APOO: variants seen among roughly 807,000 people sequenced by gnomAD.
The protein encoded by APOO is MICOS complex subunit MIC26.
APOO carries 11 observed loss-of-function variants against 23.1 expected under a neutral mutation model. The observed-to-expected ratio is 0.48, with a 90% CI of 0.30 to 0.79. APOO has a LOEUF of 0.79. Among genes scored for constraint, APOO ranks in the 30% least tolerant of loss-of-function variants. The pLI, the probability that APOO is intolerant of heterozygous loss-of-function variation, is 0.07. For synonymous variants in APOO, 59 were observed against 54.8 expected (o/e 1.08, Z -0.34); for missense variants, 160 against 142.7 (o/e 1.12, Z -0.62).
At chrX:23,888,573 C>A (rs1051466808) in intron 1 of APOO, among the ~76,000 whole-genome samples, 12 of 110,964 alleles carry the variant, frequency 1.1e-4, no homozygotes, top group Non-Finnish European at 1.9e-5. Context: ...AGATTCAGGG[C>A]CCAGCACAGT....
intron 3 of APOO, among the ~76,000 whole-genome samples, chrX:23,875,751 C>CTTTT (rs2147012350): frequency 9.1e-6 from 1 of 110,342 alleles, no homozygotes; most frequent in African/African-American, 3.3e-5. Context: ...TAATTCAGTT[C>CTTTT]AAGTCAGAAC....
Position 23,880,906 on chromosome X carries a change from A to G in APOO, c.56T>C (p.Phe19Ser), listed in dbSNP as rs778448830. The G allele has an allele frequency of 8.0e-5, 95 of 1,186,572 alleles. 1 individual carries two copies. In the South Asian group the frequency reaches 1.6e-3, roughly 21 times the overall value. Residue 19 changes from phenylalanine (F) to serine (S), a missense_variant, in exon 2 of 9, where the codon TTC (phenylalanine) becomes TCC (serine). Phe to Ser is a radical substitution (Grantham distance 155). Transcript: ENST00000379226. ...VGPASLSLLT[F>S]KVYAAPKKDS... Reference sequence around the variant, plus strand: ...CTTTTTTGGTGCTGCATAGACTTTGAAGGTGAGCAAGCTCAGGCTGGCTGG... The same window carrying G: ...CTTTTTTGGTGCTGCATAGACTTTGGAGGTGAGCAAGCTCAGGCTGGCTGG...
In APOO at chrX:23,833,386, A is replaced by G. The variant is rs1012690892; in HGVS notation, c.*256T>C. On this transcript the variant is annotated 3_prime_UTR_variant, in exon 9 of 9. Coordinates refer to ENST00000379226, the MANE Select transcript of APOO (RefSeq NM_024122.5). ...TTTAACTTGGGTTTTAATTAGGTAC[A>G]TAAATAGCAACATGAGAATGAGGAG... 9 of 111,329 alleles carry G rather than the reference A, an allele frequency of 8.1e-5. No homozygotes were observed. Among genetic ancestry groups the G allele is most frequent in the African/African-American group, 2.9e-4 (9 of 30,539 alleles). 9.2% of individuals were successfully genotyped at this position (111,329 alleles called of 1,213,427 possible).
chrX:23,862,107 A>C (rs1431668782), intron 5 of APOO, among the ~76,000 whole-genome samples: 1 of 111,219 alleles, frequency 9.0e-6, no homozygotes, highest in Non-Finnish European at 1.9e-5. Flanking sequence ...TTAGCATTTC[A>C]GCTGCCTCAC....
At chrX:23,841,243 C>A (rs1389100068) in intron 7 of APOO, among the ~76,000 whole-genome samples, 1 of 110,455 alleles carries the variant, frequency 9.1e-6, no homozygotes, top group Non-Finnish European at 1.9e-5. Context: ...CCTGTCATTT[C>A]AGAGCATGGT....
intron 7 of APOO, among the ~76,000 whole-genome samples, chrX:23,843,729 G>A (rs994535483): frequency 1.2e-4 from 13 of 107,834 alleles, no homozygotes; most frequent in Non-Finnish European, 2.1e-4. Flanking sequence ...GATTACAGGC[G>A]CCCACTACTA....
intron 7 of APOO, among the ~76,000 whole-genome samples, chrX:23,843,570 TG>T (rs1924093684): frequency 9.7e-6 from 1 of 102,815 alleles, no homozygotes; most frequent in South Asian, 4.6e-4. Flanking sequence ...TGAACACAAA[TG>T]ACAATTTCTT....
chrX:23,877,690 C>T (rs1264827439), intron 3 of APOO, among the ~76,000 whole-genome samples: 12 of 108,994 alleles, frequency 1.1e-4, no homozygotes, highest in Non-Finnish European at 1.9e-5. Flanking sequence ...GGGAGAACTG[C>T]TTGAACCCGG....
chrX:23,878,209 G>A (rs745676447), intron 3 of APOO, among the ~76,000 whole-genome samples: 3 of 112,092 alleles, frequency 2.7e-5, no homozygotes, highest in South Asian at 3.7e-4. Context: ...AAGTGTTTAC[G>A]TTGCATCTTT....
chrX:23,856,444 T>A, intron 6 of APOO, 62 bp from the exon 7 acceptor site: 1 of 892,281 alleles, frequency 1.1e-6, no homozygotes. Context: ...TTGGGAATAA[T>A]AATGGAATAT....
At chrX:23,836,625 CTTTTT>C in intron 8 of APOO, 9 of 591,548 alleles carry the variant, frequency 1.5e-5, no homozygotes, top group Non-Finnish European at 1.9e-5. Flanking sequence ...AGCCTAATTT[CTTTTT>C]TTTTTTTTTT....
intron 5 of APOO, among the ~76,000 whole-genome samples, chrX:23,860,517 C>CTT (rs1361339261): frequency 1.4e-4 from 15 of 108,447 alleles, no homozygotes; most frequent in Non-Finnish European, 1.9e-5. Context: ...ATCTCCATTT[C>CTT]TTTTTTTTCT....
At chrX:23,871,919 T>A (rs755905944) in intron 4 of APOO, among the ~76,000 whole-genome samples, 1 of 112,234 alleles carries the variant, frequency 8.9e-6, no homozygotes, top group East Asian at 2.8e-4. Flanking sequence ...TTGGGAAATG[T>A]GATCATTTTA....
chrX:23,894,175 C>T (rs1017496508), intron 1 of APOO, among the ~76,000 whole-genome samples: 18 of 109,407 alleles, frequency 1.6e-4, no homozygotes, highest in Non-Finnish European at 3.4e-4. Flanking sequence ...GACAGAGTCT[C>T]GCCCTGTCAC....
intron 7 of APOO, among the ~76,000 whole-genome samples, chrX:23,848,472 T>A (rs1265848503): frequency 9.0e-6 from 1 of 111,679 alleles, no homozygotes; most frequent in Admixed American, 9.6e-5. Flanking sequence ...CCATTATTTT[T>A]AAAGAAAAAC....
chrX:23,867,514 C>G (rs1925398041), intron 5 of APOO, among the ~76,000 whole-genome samples: 1 of 111,936 alleles, frequency 8.9e-6, no homozygotes, highest in Non-Finnish European at 1.9e-5. Context: ...GCTTCTTGTA[C>G]AGCTTGCAGA....
chrX:23,847,831 A>G (rs1924320717), intron 7 of APOO, among the ~76,000 whole-genome samples: 1 of 104,345 alleles, frequency 9.6e-6, no homozygotes, highest in South Asian at 4.1e-4. Context: ...ACACACACAC[A>G]CACATATATA....
intron 7 of APOO, among the ~76,000 whole-genome samples, chrX:23,847,573 C>G (rs1195427183): frequency 9.1e-6 from 1 of 110,147 alleles, no homozygotes; most frequent in East Asian, 2.9e-4. Flanking sequence ...TAGCAGTGAG[C>G]CGAGATCATG....
chrX:23,859,605 G>A lies in APOO; in HGVS notation c.389-872C>T, dbSNP rs142847249. On this transcript the variant is annotated intron_variant, in intron 5 of 8. Coordinates refer to ENST00000379226, the MANE Select transcript of APOO (RefSeq NM_024122.5). ...GTTACAGGCACACGCCACCATGCCC[G>A]GCTAATTTTGTATTTTTAGTAGGCA... Among the ~76,000 whole-genome samples, 280 of 111,059 alleles carry A rather than the reference G, an allele frequency of 2.5e-3. 1 individual carries two copies. The highest frequency in any genetic ancestry group is 7.7e-3 in the African/African-American group (237 of 30,656).
Sources: gnomAD v4.1 joint callset for allele counts (sites outside exome capture counted in the v4.1 genomes callset) on GRCh38, gnomAD v4.1.1 for gene constraint, MANE v1.5 for transcripts, NCBI Gene and HGNC (gene_info 2026-07-23, HGNC 2026-07-21) for gene names.